The following RHOJ variants were observed in gnomAD, a reference collection of about 807,000 sequenced individuals.
RHOJ encodes rho-related GTP-binding protein RhoJ.
Under a neutral mutation model 23.4 loss-of-function variants are expected in RHOJ, and 11 were observed. The ratio of observed to expected loss-of-function variants is 0.47; its 90% CI spans 0.30 to 0.78. The LOEUF is 0.78. Ranked by LOEUF, RHOJ falls within the 30% of genes least tolerant of loss-of-function variation. RHOJ has a pLI of 0.08. For synonymous variants in RHOJ, 102 were observed against 102.7 expected (o/e 0.99, Z 0.04); for missense variants, 254 against 273.4 (o/e 0.93, Z 0.50).
chr14:63,217,832 G>GAC (rs1346071609), intron 1 of RHOJ, among the ~76,000 whole-genome samples: 1 of 152,146 alleles, frequency 6.6e-6, no homozygotes, highest in African/African-American at 2.4e-5. Flanking sequence ...AATCACAAAT[G>GAC]ACTTGCATTT....
chr14:63,261,460 ACTCTGTTACCCAAG>A (rs1449396733), intron 1 of RHOJ, among the ~76,000 whole-genome samples: 1 of 150,952 alleles, frequency 6.6e-6, no homozygotes, highest in East Asian at 1.9e-4. Flanking sequence ...ACAGAGTCTT[ACTCTGTTACCCAAG>A]CTCTGGAGTG....
At chr14:63,241,725 G>A (rs140061582) in intron 1 of RHOJ, among the ~76,000 whole-genome samples, 36 of 152,236 alleles carry the variant, frequency 2.4e-4, no homozygotes, top group African/African-American at 7.0e-4. Flanking sequence ...ATCTGAAGGC[G>A]CAAAGCCCCA....
At chr14:63,213,461 A>G (rs1894283893) in intron 1 of RHOJ, among the ~76,000 whole-genome samples, 1 of 152,212 alleles carries the variant, frequency 6.6e-6, no homozygotes, top group Non-Finnish European at 1.5e-5. Context: ...TGCAAAAGAC[A>G]TGATTTCATT....
chr14:63,214,366 G>C (rs1360775999), intron 1 of RHOJ, among the ~76,000 whole-genome samples: 1 of 152,188 alleles, frequency 6.6e-6, no homozygotes, highest in Admixed American at 6.5e-5. Context: ...TGACTTAGTA[G>C]GTTCAGAAAA....
intron 2 of RHOJ, among the ~76,000 whole-genome samples, chr14:63,276,834 C>T (rs771174865): frequency 2.6e-5 from 4 of 152,164 alleles, no homozygotes; most frequent in Non-Finnish European, 4.4e-5. Flanking sequence ...TACTCCTTTC[C>T]GACTATTAAC....
intron 1 of RHOJ, among the ~76,000 whole-genome samples, chr14:63,210,513 A>G (rs79030458): frequency 0.017 from 2,642 of 152,260 alleles, 93 homozygotes; most frequent in African/African-American, 0.061. Context: ...ACTCTTGTTT[A>G]TTACAAGTGT....
chr14:63,264,054 C>T (rs1441610699), intron 1 of RHOJ, among the ~76,000 whole-genome samples: 3 of 151,734 alleles, frequency 2.0e-5, no homozygotes, highest in South Asian at 2.1e-4. Flanking sequence ...CCATGGGTAT[C>T]GTGAATGACA....
intron 4 of RHOJ, among the ~76,000 whole-genome samples, chr14:63,286,322 A>G (rs549300557): frequency 9.9e-5 from 15 of 152,226 alleles, no homozygotes; most frequent in Non-Finnish European, 2.2e-4. Context: ...TGGGCAATGT[A>G]CCAGGTAGCA....
At chr14:63,245,278 G>C (rs1462413244) in intron 1 of RHOJ, among the ~76,000 whole-genome samples, 4 of 151,738 alleles carry the variant, frequency 2.6e-5, no homozygotes, top group Non-Finnish European at 5.9e-5. Flanking sequence ...AGATGTTCAA[G>C]ATTGTCTTGC....
intron 1 of RHOJ, among the ~76,000 whole-genome samples, chr14:63,211,105 C>T (rs1050667578): frequency 6.6e-6 from 1 of 152,074 alleles, no homozygotes; most frequent in African/African-American, 2.4e-5. Context: ...ACTTTTTCCA[C>T]TTAGTTAAAT....
intron 1 of RHOJ, among the ~76,000 whole-genome samples, chr14:63,229,208 TG>T (rs1894647054): frequency 6.6e-6 from 1 of 152,140 alleles, no homozygotes; most frequent in South Asian, 2.1e-4. Flanking sequence ...CCAAATAATT[TG>T]GGTCCAAATA....
chr14:63,257,620 C>T (rs569509716), intron 1 of RHOJ, among the ~76,000 whole-genome samples: 1 of 149,888 alleles, frequency 6.7e-6, no homozygotes, highest in Non-Finnish European at 1.5e-5. Flanking sequence ...CAGTAGCCCA[C>T]GGCTCCCTAC....
At chr14:63,223,463 C>G (rs1211408952) in intron 1 of RHOJ, among the ~76,000 whole-genome samples, 1 of 152,222 alleles carries the variant, frequency 6.6e-6, no homozygotes, top group Non-Finnish European at 1.5e-5. Flanking sequence ...ACTCCATTCT[C>G]TCATCCCCCT....
At chr14:63,225,309 C>T (rs1458684410) in intron 1 of RHOJ, among the ~76,000 whole-genome samples, 2 of 152,116 alleles carry the variant, frequency 1.3e-5, no homozygotes, top group Non-Finnish European at 2.9e-5. Context: ...AAAATTTTCC[C>T]TTGGAGCAAC....
intron 1 of RHOJ, among the ~76,000 whole-genome samples, chr14:63,243,260 G>C (rs565078148): frequency 3.4e-4 from 52 of 152,312 alleles, no homozygotes; most frequent in Middle Eastern, 3.4e-3. Flanking sequence ...TGGTGTTTCA[G>C]TTGGAGTGAA....
chr14:63,231,178 C>T (rs551640293), intron 1 of RHOJ, among the ~76,000 whole-genome samples: 5 of 152,238 alleles, frequency 3.3e-5, no homozygotes, highest in South Asian at 2.1e-4. Context: ...TGTGAGCCAC[C>T]GCGCCTGGCC....
intron 1 of RHOJ, among the ~76,000 whole-genome samples, chr14:63,241,164 C>A (rs192554889): frequency 2.6e-5 from 4 of 152,228 alleles, no homozygotes; most frequent in African/African-American, 9.6e-5. Flanking sequence ...CCACGCCATA[C>A]GCGCATTCAT....
intron 2 of RHOJ, among the ~76,000 whole-genome samples, chr14:63,275,131 G>C (rs1329684586): frequency 6.6e-6 from 1 of 151,978 alleles, no homozygotes; most frequent in East Asian, 1.9e-4. Context: ...TTTAGCCTGG[G>C]CAACATAGCG....
At chr14:63,212,488 T>C (rs1236716600) in intron 1 of RHOJ, among the ~76,000 whole-genome samples, 1 of 152,220 alleles carries the variant, frequency 6.6e-6, no homozygotes, top group South Asian at 2.1e-4. Context: ...GATGCATGAT[T>C]CTGTTCATTT....
Sources: gnomAD v4.1 joint callset for allele counts (sites outside exome capture counted in the v4.1 genomes callset) on GRCh38, gnomAD v4.1.1 for gene constraint, MANE v1.5 for transcripts, NCBI Gene and HGNC (gene_info 2026-07-23, HGNC 2026-07-21) for gene names.